Variants in CLIP1 observed in about 807,000 individuals in gnomAD.
CLIP1 encodes CAP-Gly domain-containing linker protein 1.
A neutral mutation model predicts 161.6 loss-of-function variants in CLIP1; 66 were observed. The observed-to-expected ratio is 0.41, with a 90% CI of 0.33 to 0.50. The LOEUF is 0.50. CLIP1 is among the 20% of genes least tolerant of loss of function. The pLI is 0.27. For synonymous variants in CLIP1, 598 were observed against 626.2 expected (o/e 0.96, Z 0.67); for missense variants, 1,376 against 1,702.0 (o/e 0.81, Z 3.37).
intron 1 of CLIP1, among the ~76,000 whole-genome samples, chr12:122,393,878 C>CTCCA (rs1955776789): frequency 8.5e-6 from 1 of 117,960 alleles, no homozygotes; most frequent in South Asian, 2.9e-4. Flanking sequence ...GACCACTGCA[C>CTCCA]TCCAGCCTGG....
chr12:122,395,095 A>G (rs1223464309), intron 1 of CLIP1, among the ~76,000 whole-genome samples: 1 of 152,180 alleles, frequency 6.6e-6, no homozygotes, highest in Non-Finnish European at 1.5e-5. Flanking sequence ...ATCATTTCAA[A>G]CTGTTACTTT....
chr12:122,365,591 C>T (rs1954104877), intron 3 of CLIP1: 2 of 1,275,976 alleles, frequency 1.6e-6, no homozygotes, highest in South Asian at 1.2e-5. Flanking sequence ...TGGGAAGGAG[C>T]CTGAGCTGCT....
At chr12:122,416,753 A>G (rs1423001899) in intron 1 of CLIP1, among the ~76,000 whole-genome samples, 1 of 151,950 alleles carries the variant, frequency 6.6e-6, no homozygotes, top group East Asian at 1.9e-4. Context: ...ATATAAAACT[A>G]GCCGGGTGTG....
At chr12:122,374,474 A>T (rs1954619049) in intron 3 of CLIP1, among the ~76,000 whole-genome samples, 1 of 151,300 alleles carries the variant, frequency 6.6e-6, no homozygotes, top group African/African-American at 2.4e-5. Context: ...CCAAAAAAAA[A>T]AATTAGCAGC....
intron 20 of CLIP1, among the ~76,000 whole-genome samples, chr12:122,296,276 A>T (rs1356183962): frequency 6.6e-6 from 1 of 152,228 alleles, no homozygotes; most frequent in Non-Finnish European, 1.5e-5. Flanking sequence ...GGTCAGTTTT[A>T]TGACCATATA....
chr12:122,341,941 A>C (rs1028473323), intron 10 of CLIP1: 2 of 267,642 alleles, frequency 7.5e-6, no homozygotes, highest in African/African-American at 4.5e-5. Context: ...GCGCCACCAC[A>C]CCCAGCTAAT....
In CLIP1 at chr12:122,340,752, C is replaced by A. The variant is rs144240398; in HGVS notation, c.2451+1G>T. ...AAAGAATGGAGGATGTCAATACAAA[C>A]CTTGCTACTTTCAGCATTCTTTTCA... is the stretch of plus-strand genomic sequence containing the variant. On this transcript the variant is annotated splice_donor_variant, in intron 11 of 25. Coordinates refer to ENST00000620786, the MANE Select transcript of CLIP1 (RefSeq NM_001247997.2). LOFTEE classifies it high-confidence loss of function. 506 of 1,566,140 alleles carry A rather than the reference C, an allele frequency of 3.2e-4. 3 individuals are homozygous for A. The highest frequency in any genetic ancestry group is 1.1e-3 in the South Asian group (95 of 83,716).
At chr12:122,336,314 CTG>C (rs1952214209) in intron 12 of CLIP1, among the ~76,000 whole-genome samples, 1 of 151,012 alleles carries the variant, frequency 6.6e-6, no homozygotes, top group South Asian at 2.1e-4. Context: ...TGAAACCTAA[CTG>C]TGTTCGATGT....
At position 122,336,749 on chromosome 12, in the gene CLIP1, C is replaced by T. The variant is rs759872093; in HGVS notation, c.2452-1G>A. On this transcript the variant is annotated splice_acceptor_variant, in intron 11 of 25. Transcript: ENST00000620786. LOFTEE classifies it high-confidence loss of function. ...GGAGCTCTCTGGTAATGCTACTAGC[C>T]TAACACACAGTGTTACATGGTATAG... The T allele has an allele frequency of 1.4e-6, 2 of 1,481,396 alleles. No homozygotes were observed. Among genetic ancestry groups the T allele is most frequent in the South Asian group, 1.2e-5 (1 of 86,790 alleles). 91.8% of individuals were successfully genotyped at this position (1,481,396 alleles called of 1,614,324 possible).
intron 5 of CLIP1, among the ~76,000 whole-genome samples, chr12:122,360,024 T>A (rs932083008): frequency 2.0e-5 from 3 of 152,166 alleles, no homozygotes; most frequent in Non-Finnish European, 2.9e-5. Context: ...GTGATTCTAT[T>A]TTTACTGCTC....
chr12:122,278,989 G>C (rs981108947), intron 22 of CLIP1, 39 bp downstream of exon 22: 1 of 1,606,056 alleles, frequency 6.2e-7, no homozygotes, highest in Non-Finnish European at 8.5e-7. Context: ...AACGAAAGGA[G>C]GCCGCGTGAA....
chr12:122,355,657 T>C lies in CLIP1; in HGVS notation c.1006-345A>G, dbSNP rs983827186. ...CCATCTCTACTAAAAATACAAAAAT[T>C]AGCTGGAGTGCAGTGGTGCGATCTC... is the stretch of plus-strand genomic sequence containing the variant. On this transcript the variant is annotated intron_variant, in intron 5 of 25. Transcript: ENST00000620786. This position sits in a 1 kb window ranked among gnomAD's most constrained non-coding sequence, Gnocchi z 4.1. 5 of 219,094 alleles carry C rather than the reference T, an allele frequency of 2.3e-5. No individual in the cohort carries two copies. Among genetic ancestry groups the C allele is most frequent in the Non-Finnish European group, 3.6e-5 (4 of 110,118 alleles). The allele number at this position is 219,094 out of a possible 1,614,324, so 13.6% of individuals were successfully genotyped here. A position where few individuals can be genotyped will look rare whatever the true frequency, so the allele number is the denominator to read the frequency against.
intron 5 of CLIP1, among the ~76,000 whole-genome samples, chr12:122,358,882 G>A (rs1223025526): frequency 1.3e-5 from 2 of 152,100 alleles, no homozygotes; most frequent in African/African-American, 2.4e-5. Flanking sequence ...CCAACATGGT[G>A]AAACCTCGTC....
intron 20 of CLIP1, among the ~76,000 whole-genome samples, chr12:122,302,920 C>G (rs148334283): frequency 6.6e-6 from 1 of 152,000 alleles, no homozygotes; most frequent in Non-Finnish European, 1.5e-5. Context: ...ATTTTTGAGA[C>G]AGGGTCTTGC....
Position 122,344,769 on chromosome 12 carries a change from C to T in CLIP1, c.1506+2606G>A, listed in dbSNP as rs926335531. On this transcript the variant is annotated intron_variant, in intron 10 of 25. Coordinates refer to ENST00000620786, the MANE Select transcript of CLIP1 (RefSeq NM_001247997.2). ...TTCCTAACATCTCTACAGCACCAAG[C>T]ACACTGTTTGGAAACTGGATTTATT... is the stretch of plus-strand genomic sequence containing the variant. Among the ~76,000 whole-genome samples the T allele has an allele frequency of 3.9e-5, 6 of 152,178 alleles. No individual in the cohort carries two copies. In the East Asian group the frequency reaches 5.8e-4, roughly 15 times the overall value.
chr12:122,373,499 T>G, intron 3 of CLIP1, among the ~76,000 whole-genome samples: 1 of 139,740 alleles, frequency 7.2e-6, no homozygotes, highest in Admixed American at 7.2e-5. Flanking sequence ...ATAAACAAGG[T>G]GAAAAAAAGC....
intron 17 of CLIP1, chr12:122,324,244 G>C (rs1025250002): frequency 3.3e-5 from 5 of 152,552 alleles, no homozygotes; most frequent in Non-Finnish European, 7.4e-5. Context: ...CTACAAGCTT[G>C]GATAAAAGTG....
chr12:122,294,864 C>T (rs1267833671), intron 20 of CLIP1, among the ~76,000 whole-genome samples: 1 of 151,970 alleles, frequency 6.6e-6, no homozygotes, highest in Non-Finnish European at 1.5e-5. Context: ...TCCTGCCTAA[C>T]TAACATGGTG....
chr12:122,362,639 C>CAAAA lies in CLIP1; in HGVS notation c.782+1340_782+1343dup, dbSNP rs56183812. Among the ~76,000 whole-genome samples the CAAAA allele has an allele frequency of 3.7e-4, 7 of 19,130 alleles. 1 individual carries two copies. Among genetic ancestry groups the CAAAA allele is most frequent in the East Asian group, 5.1e-3 (2 of 396 alleles). 12.6% of individuals were successfully genotyped at this position (19,130 alleles called of 152,430 possible). On this transcript the variant is annotated intron_variant, in intron 4 of 25. Coordinates refer to ENST00000620786, the MANE Select transcript of CLIP1 (RefSeq NM_001247997.2). ...CTGGCAACAGAGCAAGACTCCATCT[C>CAAAA]AAAAAAAAAAAAAAAAAAAAAAAAA... is the stretch of plus-strand genomic sequence containing the variant.
Sources: gnomAD v4.1 joint callset for allele counts (sites outside exome capture counted in the v4.1 genomes callset) on GRCh38, gnomAD v4.1.1 for gene constraint, Gnocchi (gnomAD v3.1) non-coding constraint, MANE v1.5 for transcripts, NCBI Gene and HGNC (gene_info 2026-07-23, HGNC 2026-07-21) for gene names.